MYO16: variants seen among roughly 807,000 people sequenced by gnomAD.
MYO16 encodes the protein myosin XVI.
A neutral mutation model predicts 205.3 loss-of-function variants in MYO16; 94 were observed. The observed-to-expected ratio is 0.46, with a 90% CI of 0.39 to 0.54. The LOEUF (loss-of-function observed/expected upper bound fraction) is 0.54. MYO16 is among the 20% of genes least tolerant of loss of function. MYO16 has a pLI of 0.00. For missense variants in MYO16, 2,315 were observed against 2,387.5 expected (o/e 0.97, Z 0.63); for synonymous variants, 988 against 954.0 (o/e 1.04, Z -0.66).
At chr13:109,124,790 G>C (rs567379610) in intron 29 of MYO16, among the ~76,000 whole-genome samples, 32 of 152,324 alleles carry the variant, frequency 2.1e-4, no homozygotes, top group African/African-American at 7.0e-4. Flanking sequence ...AAATGCTGCA[G>C]TTGGAGGCAC....
the MYO16 span, among the ~76,000 whole-genome samples, chr13:108,523,255 A>C: frequency 2.6e-5 from 4 of 152,172 alleles, no homozygotes; most frequent in African/African-American, 7.2e-5. Flanking sequence ...CAACTCCAAC[A>C]TATCTAAGAG....
At chr13:108,564,324 C>T in the MYO16 span, among the ~76,000 whole-genome samples, 1 of 152,056 alleles carries the variant, frequency 6.6e-6, no homozygotes, top group Non-Finnish European at 1.5e-5. Flanking sequence ...GCGTCCGCCA[C>T]CATACCTGGC....
intron 33 of MYO16, among the ~76,000 whole-genome samples, chr13:109,178,326 A>T (rs1879308128): frequency 6.6e-6 from 1 of 152,126 alleles, no homozygotes; most frequent in South Asian, 2.1e-4. Context: ...CCCAGTCTTC[A>T]TGAAGTTAGC....
upstream of MYO16, among the ~76,000 whole-genome samples, chr13:108,593,989 G>C (rs955036715): frequency 4.6e-5 from 7 of 152,104 alleles, no homozygotes; most frequent in Middle Eastern, 3.2e-3. Flanking sequence ...TCTCAGACCA[G>C]GTGTCTCTGT....
intron 14 of MYO16, among the ~76,000 whole-genome samples, chr13:108,894,343 C>T (rs73614643): frequency 0.07 from 10,594 of 152,140 alleles, 497 homozygotes; most frequent in Middle Eastern, 0.2. Flanking sequence ...ATTGTGCAGA[C>T]ACTGAGGAGT....
intron 2 of MYO16, among the ~76,000 whole-genome samples, chr13:108,671,031 G>A (rs558871082): frequency 1.2e-3 from 184 of 152,288 alleles, no homozygotes; most frequent in African/African-American, 3.9e-3. Flanking sequence ...TAAGCAAGCA[G>A]TCAGATCTGA....
intron 34 of MYO16, among the ~76,000 whole-genome samples, chr13:109,179,939 A>G (rs2038706): frequency 0.18 from 27,776 of 152,134 alleles, 2,737 homozygotes; most frequent in East Asian, 0.28. Flanking sequence ...AGATGATATT[A>G]AATCTGCTGA....
At chr13:108,533,823 G>T in the MYO16 span, among the ~76,000 whole-genome samples, 1 of 152,128 alleles carries the variant, frequency 6.6e-6, no homozygotes. Context: ...AAAAAATGCA[G>T]ATGTTCTTTT....
chr13:108,612,475 A>G (rs994546209), intron 1 of MYO16, among the ~76,000 whole-genome samples: 6 of 152,210 alleles, frequency 3.9e-5, no homozygotes, highest in Non-Finnish European at 8.8e-5. Flanking sequence ...AAATGCCTTC[A>G]GGTTTAAAAA....
intron 23 of MYO16, among the ~76,000 whole-genome samples, chr13:109,032,755 A>G (rs1016222286): frequency 1.3e-5 from 2 of 152,258 alleles, no homozygotes; most frequent in Non-Finnish European, 1.5e-5. Context: ...GGATATTCCT[A>G]CATGTCTAAC....
intron 4 of MYO16, among the ~76,000 whole-genome samples, chr13:108,734,069 G>A (rs1046795592): frequency 1.2e-4 from 18 of 152,208 alleles, no homozygotes; most frequent in African/African-American, 3.4e-4. Flanking sequence ...ACTGAGCTTC[G>A]CTCCTAGAGG....
At chr13:109,152,103 C>A (rs529252134) in intron 32 of MYO16, among the ~76,000 whole-genome samples, 4 of 152,148 alleles carry the variant, frequency 2.6e-5, no homozygotes, top group African/African-American at 7.2e-5. Flanking sequence ...AAATAGCATA[C>A]ATTTTTAAAA....
At chr13:108,797,445 G>A (rs1265854478) in intron 6 of MYO16, among the ~76,000 whole-genome samples, 1 of 152,250 alleles carries the variant, frequency 6.6e-6, no homozygotes, top group Non-Finnish European at 1.5e-5. Context: ...CCAGAAATGG[G>A]ATGAGAAGGA....
intron 1 of MYO16, among the ~76,000 whole-genome samples, chr13:108,648,860 G>A (rs920176988): frequency 6.6e-6 from 1 of 151,958 alleles, no homozygotes; most frequent in Non-Finnish European, 1.5e-5. Flanking sequence ...ATGTATTGCT[G>A]GATCAGGGGT....
At chr13:109,070,068 G>A (rs1887878849) in intron 27 of MYO16, among the ~76,000 whole-genome samples, 1 of 152,290 alleles carries the variant, frequency 6.6e-6, no homozygotes, top group Admixed American at 6.5e-5. Flanking sequence ...AATACTGTAT[G>A]TGGCTAAAGA....
At chr13:108,591,480 T>C (rs1024982804), upstream of MYO16, among the ~76,000 whole-genome samples, 25 of 152,224 alleles carry the variant, frequency 1.6e-4, no homozygotes, top group African/African-American at 5.5e-4. Context: ...ATGGTTAATG[T>C]CTCCATCCTT....
intron 4 of MYO16, among the ~76,000 whole-genome samples, chr13:108,755,986 A>T (rs1483031987): frequency 6.6e-6 from 1 of 152,312 alleles, no homozygotes; most frequent in South Asian, 2.1e-4. Flanking sequence ...CACAAAACTT[A>T]GCATTATAGT....
At position 108,815,612 on chromosome 13, in the gene MYO16, G is replaced by C. The variant is rs560855998; in HGVS notation, c.868-4725G>C. 1.8e-4 allele frequency among the ~76,000 whole-genome samples: 27 copies of C among 152,306 alleles called. No homozygotes were observed. The South Asian group carries it at 3.1e-3, about 18-fold the overall frequency. ...TAACCAGAGCCCTGGTGTCAGCCCA[G>C]TGATACCTGTGTCAGACTTCTGACC... is the stretch of plus-strand genomic sequence containing the variant. On this transcript the variant is annotated intron_variant, in intron 7 of 34. Coordinates refer to ENST00000457511, the MANE Select transcript of MYO16 (RefSeq NM_001198950.3).
chr13:108,954,703 G>A (rs1444189448), intron 16 of MYO16, among the ~76,000 whole-genome samples: 1 of 152,112 alleles, frequency 6.6e-6, no homozygotes, highest in African/African-American at 2.4e-5. Flanking sequence ...GTCACACCAT[G>A]CCCTCCAGCC....
Sources: allele counts gnomAD v4.1 joint callset (sites outside exome capture counted in the v4.1 genomes callset), GRCh38; gene constraint gnomAD v4.1.1; transcripts MANE v1.5; gene names NCBI Gene and HGNC (gene_info 2026-07-23, HGNC 2026-07-21).